MYO3A: variants seen among roughly 807,000 people sequenced by gnomAD.
MYO3A encodes the protein myosin-IIIa.
A neutral mutation model predicts 192.7 loss-of-function variants in MYO3A; 180 were observed. That is an observed-to-expected ratio of 0.93 (90% confidence interval 0.83 to 1.06). MYO3A has a LOEUF of 1.06. Ranked by LOEUF, MYO3A falls within the 50% of genes least tolerant of loss-of-function variation. The probability of loss-of-function intolerance (pLI) is 0.00; values close to 1 mark genes in which losing one functional copy is unlikely to be tolerated. For missense variants in MYO3A, 1,896 were observed against 1,905.0 expected (o/e 1.00, Z 0.09); for synonymous variants, 628 against 645.3 (o/e 0.97, Z 0.41).
intron 14 of MYO3A, among the ~76,000 whole-genome samples, chr10:26,073,361 G>A (rs183730370): frequency 1.6e-3 from 250 of 152,280 alleles, no homozygotes; most frequent in African/African-American, 5.9e-3. Context: ...CAAGAGGTCA[G>A]GAGTTCAAGA....
chr10:26,021,421 C>T, intron 7 of MYO3A, 82 bp from the exon 8 acceptor site: 1 of 1,514,286 alleles, frequency 6.6e-7, no homozygotes, highest in Non-Finnish European at 9.2e-7. Context: ...AGTTTAAATA[C>T]TTAATGCTTT....
intron 26 of MYO3A, among the ~76,000 whole-genome samples, chr10:26,162,619 G>C (rs1841537219): frequency 6.6e-6 from 1 of 152,148 alleles, no homozygotes; most frequent in African/African-American, 2.4e-5. Context: ...TTTTTTACAA[G>C]ACTTCTTTAT....
At chr10:26,111,230 C>T (rs997826938) in intron 17 of MYO3A, among the ~76,000 whole-genome samples, 1 of 152,018 alleles carries the variant, frequency 6.6e-6, no homozygotes, top group Admixed American at 6.6e-5. Context: ...AGAGGAACTC[C>T]CTGACTCAGA....
At chr10:26,201,842 A>C (rs1843691283) in intron 33 of MYO3A, among the ~76,000 whole-genome samples, 1 of 152,230 alleles carries the variant, frequency 6.6e-6, no homozygotes, top group African/African-American at 2.4e-5. Flanking sequence ...CTAAGAACTT[A>C]AATATGTTTT....
At position 26,077,641 on chromosome 10, in the gene MYO3A, G is replaced by A. The variant is rs2131437466; in HGVS notation, c.1359+7240G>A. Among the ~76,000 whole-genome samples, 3 of 152,102 alleles carry A rather than the reference G, an allele frequency of 2.0e-5. No individual in the cohort carries two copies. In the Middle Eastern group the frequency reaches 0.01, roughly 517 times the overall value. Reference sequence around the variant, plus strand: ...TTACGTTGGCTGTGGGTTTGTCATAGATGGCTTTTATTACATTAAGATATG... The same window carrying A: ...TTACGTTGGCTGTGGGTTTGTCATAAATGGCTTTTATTACATTAAGATATG... On this transcript the variant is annotated intron_variant, in intron 14 of 34. Coordinates refer to ENST00000642920, the MANE Select transcript of MYO3A (RefSeq NM_017433.5).
chr10:26,077,239 T>G (rs896481394), intron 14 of MYO3A, among the ~76,000 whole-genome samples: 29 of 139,206 alleles, frequency 2.1e-4, no homozygotes, highest in Non-Finnish European at 3.1e-4. Flanking sequence ...TAAGGTTTTT[T>G]TTTTTTTTTT....
chr10:26,140,475 G>A (rs1840085902), intron 20 of MYO3A, among the ~76,000 whole-genome samples: 1 of 152,156 alleles, frequency 6.6e-6, no homozygotes, highest in Non-Finnish European at 1.5e-5. Flanking sequence ...CCTGAGGTCA[G>A]GAGTTCAAGA....
chr10:26,190,231 T>C (rs1487242712), intron 31 of MYO3A, among the ~76,000 whole-genome samples: 1 of 152,182 alleles, frequency 6.6e-6, no homozygotes, highest in Non-Finnish European at 1.5e-5. Flanking sequence ...ATATTAGATA[T>C]TTCAAAGGAT....
intron 15 of MYO3A, among the ~76,000 whole-genome samples, chr10:26,093,736 C>T (rs1176497101): frequency 2.6e-5 from 4 of 152,174 alleles, no homozygotes; most frequent in Non-Finnish European, 4.4e-5. Flanking sequence ...GAGAGCTCTA[C>T]GTGATTGACA....
intron 32 of MYO3A, among the ~76,000 whole-genome samples, chr10:26,195,645 C>T (rs899759814): frequency 3.9e-5 from 6 of 152,214 alleles, no homozygotes; most frequent in African/African-American, 1.4e-4. Flanking sequence ...AACCTGCATT[C>T]TCCTCTTCAA....
chr10:26,178,250 G>A (rs868768497), intron 31 of MYO3A, among the ~76,000 whole-genome samples: 1 of 152,216 alleles, frequency 6.6e-6, no homozygotes, highest in African/African-American at 2.4e-5. Flanking sequence ...ACCCCAGGCC[G>A]CTGCTGGAAA....
rs1272227420 is a variant in MYO3A at position 26,176,803 on chromosome 10, AAGCCAATTAAT to A, written c.4399_4409del (p.Pro1467ThrfsTer13). The A allele has an allele frequency of 1.2e-6, 2 of 1,614,058 alleles. No individual in the cohort carries two copies. Among genetic ancestry groups the A allele is most frequent in the Non-Finnish European group, 1.7e-6 (2 of 1,180,010 alleles). On this transcript the variant is annotated frameshift_variant, in exon 31 of 35. Transcript: ENST00000642920. LOFTEE classifies it high-confidence loss of function. ...ACTTTATCTGGGTGTCTCGCACCAT[AAGCCAATTAAT>A]AGACGAGTTTCTTCTCAGCAGTGCC...
chr10:26,176,599 A>G (rs574729987), intron 30 of MYO3A, 102 bp from the exon 31 acceptor site: 4 of 1,043,408 alleles, frequency 3.8e-6, no homozygotes, highest in Admixed American at 3.9e-5. Context: ...GGAACATGAG[A>G]GTCCCCAAGA....
intron 20 of MYO3A, among the ~76,000 whole-genome samples, chr10:26,132,452 A>AC (rs1450202021): frequency 6.6e-6 from 1 of 152,184 alleles, no homozygotes; most frequent in African/African-American, 2.4e-5. Context: ...GGGAGTACAT[A>AC]CCAAGGACTG....
At chr10:25,977,353 A>G (rs1298245291) in intron 4 of MYO3A, among the ~76,000 whole-genome samples, 2 of 152,284 alleles carry the variant, frequency 1.3e-5, no homozygotes, top group East Asian at 3.9e-4. Flanking sequence ...TAACAGAGAA[A>G]TAAATTCCTT....
At chr10:26,211,121 C>G (rs1844201826) in intron 34 of MYO3A, among the ~76,000 whole-genome samples, 1 of 152,194 alleles carries the variant, frequency 6.6e-6, no homozygotes, top group African/African-American at 2.4e-5. Context: ...AGGACTTCTG[C>G]TCACCTGTCA....
At chr10:26,030,969 C>T (rs932190812) in intron 10 of MYO3A, among the ~76,000 whole-genome samples, 12 of 152,044 alleles carry the variant, frequency 7.9e-5, no homozygotes, top group Admixed American at 2.0e-4. Flanking sequence ...CCTCAAAAAA[C>T]GGGAAAGCAT....
At chr10:25,982,773 G>A (rs1839412052) in intron 4 of MYO3A, among the ~76,000 whole-genome samples, 1 of 152,094 alleles carries the variant, frequency 6.6e-6, no homozygotes, top group African/African-American at 2.4e-5. Flanking sequence ...AGCACCCTGT[G>A]GGACAAAAAA....
Position 26,205,918 on chromosome 10 carries a change from C to T in MYO3A, c.4730+2811C>T, listed in dbSNP as rs919172538. Among the ~76,000 whole-genome samples the T allele has an allele frequency of 6.6e-5, 10 of 151,864 alleles. No individual in the cohort carries two copies. The East Asian group carries it at 1.4e-3, about 21-fold the overall frequency. ...ACAGGCGTGAGCCACCGTGCCCAGC[C>T]GGATTTCTTTCTTTTTTAAGGCAGA... On this transcript the variant is annotated intron_variant, in intron 34 of 34. Transcript: ENST00000642920.
Sources: allele counts gnomAD v4.1 joint callset (sites outside exome capture counted in the v4.1 genomes callset), GRCh38; gene constraint gnomAD v4.1.1; transcripts MANE v1.5; gene names NCBI Gene and HGNC (gene_info 2026-07-23, HGNC 2026-07-21).